The following NRXN1 variants were observed in gnomAD, a reference collection of about 807,000 sequenced individuals.
NRXN1 encodes neurexin-1.
NRXN1 carries 39 observed loss-of-function variants against 150.9 expected under a neutral mutation model. The observed-to-expected ratio is 0.26, with a 90% CI of 0.20 to 0.34. The LOEUF is 0.34. Ranked by LOEUF, NRXN1 falls within the 10% of genes least tolerant of loss-of-function variation. The pLI is 1.00. For synonymous variants in NRXN1, 924 were observed against 757.0 expected, an observed-to-expected ratio of 1.22 and a Z score of -3.62; for missense variants, 1,815 against 1,949.9, an observed-to-expected ratio of 0.93 and a Z score of 1.30.
intron 2 of NRXN1, chr2:51,026,431 A>G (rs1314113268): frequency 1.9e-6 from 3 of 1,605,588 alleles, no homozygotes. Flanking sequence ...TTGTCATGTA[A>G]CAGCACCGGC....
At chr2:50,986,386 T>C (rs1408839796) in intron 2 of NRXN1, among the ~76,000 whole-genome samples, 1 of 151,728 alleles carries the variant, frequency 6.6e-6, no homozygotes, top group African/African-American at 2.4e-5. Flanking sequence ...ATATACAGAA[T>C]ATCCACTGCA....
intron 18 of NRXN1, among the ~76,000 whole-genome samples, chr2:50,130,018 T>C (rs546649684): frequency 7.2e-4 from 109 of 152,302 alleles, no homozygotes; most frequent in Non-Finnish European, 1.2e-3. Context: ...GCACATGTTA[T>C]CTCATTTTTT....
At chr2:50,755,302 C>T (rs917924872) in intron 5 of NRXN1, among the ~76,000 whole-genome samples, 5 of 151,788 alleles carry the variant, frequency 3.3e-5, no homozygotes, top group African/African-American at 9.7e-5. Flanking sequence ...GTCTTCATTT[C>T]CTTATTTGTA....
chr2:50,990,448 CTA>C (rs1698378759), intron 2 of NRXN1, among the ~76,000 whole-genome samples: 1 of 151,990 alleles, frequency 6.6e-6, no homozygotes, highest in Non-Finnish European at 1.5e-5. Context: ...AAAGAGAAGA[CTA>C]TGCATAGTTA....
intron 21 of NRXN1, among the ~76,000 whole-genome samples, chr2:50,032,444 G>T (rs2152568671): frequency 6.6e-6 from 1 of 152,150 alleles, no homozygotes; most frequent in East Asian, 1.9e-4. Context: ...GGAAGGAATG[G>T]AAAGGAAATT....
intron 19 of NRXN1, among the ~76,000 whole-genome samples, chr2:50,055,883 C>T (rs1386336595): frequency 6.6e-6 from 1 of 152,104 alleles, no homozygotes; most frequent in Non-Finnish European, 1.5e-5. Flanking sequence ...ACAGTGGCCC[C>T]TATTCATAGA....
chr2:50,859,193 C>G (rs1355475066), intron 5 of NRXN1, among the ~76,000 whole-genome samples: 3 of 151,734 alleles, frequency 2.0e-5, no homozygotes, highest in Non-Finnish European at 4.4e-5. Flanking sequence ...TTACCTGGCT[C>G]TGGGTCCAGG....
intron 17 of NRXN1, among the ~76,000 whole-genome samples, chr2:50,367,837 T>C (rs1241977931): frequency 6.6e-6 from 1 of 152,050 alleles, no homozygotes; most frequent in Non-Finnish European, 1.5e-5. Context: ...ATGAAGTTTT[T>C]AAGAAACAAA....
At chr2:50,085,986 T>G (rs1428230604) in intron 19 of NRXN1, among the ~76,000 whole-genome samples, 1 of 152,202 alleles carries the variant, frequency 6.6e-6, no homozygotes, top group Non-Finnish European at 1.5e-5. Context: ...TAGTTTTTAC[T>G]CTGCCACTAA....
intron 5 of NRXN1, among the ~76,000 whole-genome samples, chr2:50,696,965 T>C (rs1246660271): frequency 1.3e-5 from 2 of 152,114 alleles, no homozygotes; most frequent in Non-Finnish European, 2.9e-5. Flanking sequence ...CACTTTTGTT[T>C]CCAAATTGTT....
chr2:50,541,483 CTG>C (rs1368460922), intron 9 of NRXN1, among the ~76,000 whole-genome samples: 6 of 152,294 alleles, frequency 3.9e-5, no homozygotes, highest in Admixed American at 3.9e-4. Context: ...GATGGAGTAA[CTG>C]TGTCTCTTGA....
intron 5 of NRXN1, among the ~76,000 whole-genome samples, chr2:50,702,528 T>G (rs1693892523): frequency 6.7e-6 from 1 of 149,322 alleles, no homozygotes; most frequent in Non-Finnish European, 1.5e-5. Context: ...ATTTTCTGTA[T>G]GCACATAAAT....
At chr2:50,632,134 G>T (rs926413005) in intron 5 of NRXN1, among the ~76,000 whole-genome samples, 11 of 151,906 alleles carry the variant, frequency 7.2e-5, no homozygotes, top group Admixed American at 2.0e-4. Flanking sequence ...ATTTAACTAT[G>T]AAATCATCTT....
At chr2:50,498,765 C>A (rs574163482) in intron 13 of NRXN1, among the ~76,000 whole-genome samples, 1 of 152,290 alleles carries the variant, frequency 6.6e-6, no homozygotes, top group Non-Finnish European at 1.5e-5. Context: ...ACCAGTGATT[C>A]ACACCCAACA....
chr2:50,188,108 C>A (rs1026920884), intron 18 of NRXN1, among the ~76,000 whole-genome samples: 5 of 152,024 alleles, frequency 3.3e-5, no homozygotes, highest in Non-Finnish European at 7.4e-5. Context: ...GAAGTTCCAA[C>A]ACTATATTGA....
At chr2:50,144,777 A>T (rs1281501943) in intron 18 of NRXN1, among the ~76,000 whole-genome samples, 1 of 151,798 alleles carries the variant, frequency 6.6e-6, no homozygotes, top group African/African-American at 2.4e-5. Context: ...AATTATTAAA[A>T]ATCATATTGG....
chr2:50,366,822 G>C (rs2079614210), intron 17 of NRXN1, among the ~76,000 whole-genome samples: 1 of 151,976 alleles, frequency 6.6e-6, no homozygotes, highest in African/African-American at 2.4e-5. Flanking sequence ...GACAGAAGGA[G>C]CTTAAATGTT....
At chr2:50,695,161 A>G (rs963249969) in intron 5 of NRXN1, among the ~76,000 whole-genome samples, 17 of 150,278 alleles carry the variant, frequency 1.1e-4, no homozygotes, top group African/African-American at 3.9e-4. Flanking sequence ...AACATATTTT[A>G]TCAGTAACAT....
At chr2:50,805,826 T>G (rs67142559) in intron 5 of NRXN1, among the ~76,000 whole-genome samples, 30,430 of 152,090 alleles carry the variant, frequency 0.2, 3,136 homozygotes, top group African/African-American at 0.2. Context: ...AATCCCCTGA[T>G]AGCTGGCATG....
Sources: gnomAD v4.1 joint callset for allele counts (sites outside exome capture counted in the v4.1 genomes callset) on GRCh38, gnomAD v4.1.1 for gene constraint, MANE v1.5 for transcripts, NCBI Gene and HGNC (gene_info 2026-07-23, HGNC 2026-07-21) for gene names.